ACLY: variants seen among roughly 807,000 people sequenced by gnomAD.
ACLY encodes ATP citrate lyase, also known as ATP-citrate synthase.
A neutral mutation model predicts 133.0 loss-of-function variants in ACLY; 41 were observed. That is an observed-to-expected ratio of 0.31 (90% CI 0.24 to 0.40). ACLY has a LOEUF of 0.40. ACLY is among the 10% of genes least tolerant of loss of function. The probability of loss-of-function intolerance (pLI) is 1.00; values close to 1 mark genes in which losing one functional copy is unlikely to be tolerated. For synonymous variants in ACLY, 495 were observed against 549.3 expected (o/e 0.90, Z 1.38); for missense variants, 1,046 against 1,453.8 (o/e 0.72, Z 4.56).
At chr17:41,886,399 T>A in intron 17 of ACLY, 91 bp from the exon 18 acceptor site, 3 of 1,309,620 alleles carry the variant, frequency 2.3e-6, no homozygotes, top group Non-Finnish European at 3.1e-6. Flanking sequence ...GCCCAGCCCC[T>A]TCTGGCCAGG....
Position 41,872,174 on chromosome 17 carries a change from T to G in ACLY, c.2651A>C (p.Lys884Thr). 6.2e-7 allele frequency: 1 copy of G among 1,613,342 alleles called. No homozygotes were observed. The highest frequency in any genetic ancestry group is 8.5e-7 in the Non-Finnish European group (1 of 1,179,934). Residue 884 changes from lysine to threonine, a missense_variant, in exon 24 of 29, where the codon AAG (lysine) becomes ACG (threonine). Transcript: ENST00000352035. ...GLLWFQKRLP[K>T]YSCQFIEMCL... is the part of the protein sequence containing the mutation. ...CATCTCAATGAACTGGCAAGAGTAC[T>G]TAGGCAACCTGGAGTGGGGGGAACA...
At chr17:41,882,415 C>CTGTTAATGA (rs1294141338) in intron 20 of ACLY, among the ~76,000 whole-genome samples, 3 of 125,726 alleles carry the variant, frequency 2.4e-5, no homozygotes, top group African/African-American at 8.9e-5. Flanking sequence ...CCAGTTTTTG[C>CTGTTAATGA]TGTTAATGAT....
intron 20 of ACLY, among the ~76,000 whole-genome samples, chr17:41,880,301 C>T (rs1186812963): frequency 1.3e-5 from 2 of 152,194 alleles, no homozygotes; most frequent in African/African-American, 2.4e-5. Flanking sequence ...CCTAGGCAAT[C>T]TGGCCTCAGC....
intron 1 of ACLY, among the ~76,000 whole-genome samples, chr17:41,914,647 G>A (rs1243662549): frequency 2.0e-5 from 3 of 152,144 alleles, no homozygotes; most frequent in East Asian, 1.9e-4. Context: ...GCCCCACTGC[G>A]TCATCCAGCT....
At chr17:41,915,163 A>G (rs1245880719) in intron 1 of ACLY, among the ~76,000 whole-genome samples, 1 of 152,124 alleles carries the variant, frequency 6.6e-6, no homozygotes. Flanking sequence ...GAATTTCATC[A>G]TCTCCCCTCT....
chr17:41,909,591 A>C lies in ACLY; in HGVS notation c.455T>G (p.Leu152Arg). 1 of 1,614,146 alleles carries C rather than the reference A, an allele frequency of 6.2e-7. No homozygotes were observed. The highest frequency in any genetic ancestry group is 1.7e-5 in the Admixed American group (1 of 60,028). Residue 152 changes from leucine to arginine, a missense_variant, in exon 5 of 29, where the codon CTG becomes CGG. Leu to Arg is a moderately radical substitution (Grantham distance 102). Around this residue, in one of 4 missense-constraint regions of ACLY, gnomAD observed 227 missense variants for 245.6 expected, o/e 0.92. Coordinates refer to ENST00000352035, the MANE Select transcript of ACLY (RefSeq NM_001096.3). ...VGDVDAKAQKLLVGVDEKLNP... is the reference protein window; with the variant it reads ...VGDVDAKAQKRLVGVDEKLNP... ...CAGTTTCTCATCCACGCCAACAAGC[A>C]GCTTCTGGGCCTTGGCGTCCACATC... is the stretch of plus-strand genomic sequence containing the variant.
chr17:41,883,622 T>C (rs1261397751), intron 19 of ACLY, among the ~76,000 whole-genome samples: 1 of 144,298 alleles, frequency 6.9e-6, no homozygotes, highest in Admixed American at 7.4e-5. Context: ...TCTTGATCTG[T>C]CTCCCAGGCT....
At chr17:41,901,560 G>A (rs1344466499) in intron 11 of ACLY, 136 bp downstream of exon 11, 4 of 735,108 alleles carry the variant, frequency 5.4e-6, no homozygotes, top group African/African-American at 1.8e-5. Flanking sequence ...GACAGGGAAT[G>A]GAAACCCAAA....
At chr17:41,916,654 G>C (rs1409782849) in intron 1 of ACLY, among the ~76,000 whole-genome samples, 1 of 151,290 alleles carries the variant, frequency 6.6e-6, no homozygotes, top group Non-Finnish European at 1.5e-5. Context: ...GGATTTACAG[G>C]CATGAGCCAC....
At chr17:41,907,855 C>A (rs141186482) in intron 6 of ACLY, among the ~76,000 whole-genome samples, 1 of 152,194 alleles carries the variant, frequency 6.6e-6, no homozygotes, top group Non-Finnish European at 1.5e-5. Context: ...TTACAAAACG[C>A]TACACTCCCT....
In ACLY at chr17:41,886,139, T is replaced by G; in HGVS notation, c.2045A>C (p.Tyr682Ser). 1 of 1,614,062 alleles carries G rather than the reference T, an allele frequency of 6.2e-7. No individual in the cohort carries two copies. The highest frequency in any genetic ancestry group is 1.7e-4 in the Middle Eastern group (1 of 6,038). Residue 682 changes from tyrosine to serine, a missense_variant, in exon 18 of 29, where the codon TAT becomes TCT. By Grantham distance (144) the Tyr-to-Ser change is moderately radical. Transcript: ENST00000352035. ...NIISRTTDGV[Y>S]EGVAIGGDRY... Reference sequence around the variant, plus strand: ...GTCCCCACCAATGGCCACGCCCTCATAGACGCCATCCGTGGTCCGAGAGAT... The same window carrying G: ...GTCCCCACCAATGGCCACGCCCTCAGAGACGCCATCCGTGGTCCGAGAGAT...
chr17:41,907,125 C>T (rs1249848183), intron 7 of ACLY, among the ~76,000 whole-genome samples: 2 of 152,118 alleles, frequency 1.3e-5, no homozygotes, highest in African/African-American at 4.8e-5. Flanking sequence ...TTAAAATTCT[C>T]AGTGAGACGC....
intron 23 of ACLY, among the ~76,000 whole-genome samples, chr17:41,872,551 C>T (rs2048623493): frequency 6.6e-6 from 1 of 152,218 alleles, no homozygotes; most frequent in Non-Finnish European, 1.5e-5. Context: ...TCTCGAACTC[C>T]TGGCCTCAAG....
At chr17:41,880,025 C>T (rs1555627051) in intron 20 of ACLY, among the ~76,000 whole-genome samples, 1 of 152,164 alleles carries the variant, frequency 6.6e-6, no homozygotes, top group East Asian at 1.9e-4. Flanking sequence ...CCAGCGCGCC[C>T]AGCGTGACTG....
At chr17:41,913,682 G>A in intron 2 of ACLY, 33 bp downstream of exon 2, 1 of 1,607,468 alleles carries the variant, frequency 6.2e-7, no homozygotes, top group Non-Finnish European at 8.5e-7. Flanking sequence ...CCCCGGGCCT[G>A]GAAGAAAGGC....
chr17:41,905,663 C>A lies in ACLY; in HGVS notation c.867-5G>T, dbSNP rs782321047. On this transcript the variant is annotated splice_region_variant and splice_polypyrimidine_tract_variant and intron_variant, in intron 8 of 28. Transcript: ENST00000352035. ...CCTAGATCACAGATGGTATCGCTGCCAAGGAGACAGAAGTCAGTGATGGCT... is the reference window on the plus strand; with the variant it reads ...CCTAGATCACAGATGGTATCGCTGCAAAGGAGACAGAAGTCAGTGATGGCT... 3 of 1,614,142 alleles carry A rather than the reference C, an allele frequency of 1.9e-6. No homozygotes were observed. Among genetic ancestry groups the A allele is most frequent in the South Asian group, 1.1e-5 (1 of 91,080 alleles).
At chr17:41,926,358 C>T (rs899242785) in intron 1 of ACLY, among the ~76,000 whole-genome samples, 17 of 152,350 alleles carry the variant, frequency 1.1e-4, no homozygotes, top group Non-Finnish European at 2.4e-4. Context: ...TTCTCTCAGC[C>T]TCAGAGTTTC....
Position 41,916,834 on chromosome 17 carries a change from C to G in ACLY, c.-24+2046G>C, listed in dbSNP as rs569502281. ...CCTGTGACAATGATCCGATGGCCCACAGACTGACCACCAGTTAAGAACATT... is the reference window on the plus strand; with the variant it reads ...CCTGTGACAATGATCCGATGGCCCAGAGACTGACCACCAGTTAAGAACATT... On this transcript the variant is annotated intron_variant, in intron 1 of 28. Transcript: ENST00000352035. Among the ~76,000 whole-genome samples, 5 of 152,238 alleles carry G rather than the reference C, an allele frequency of 3.3e-5. No individual in the cohort carries two copies. The South Asian group carries it at 8.3e-4, about 25-fold the overall frequency.
chr17:41,898,269 T>C (rs1555630826), intron 12 of ACLY, among the ~76,000 whole-genome samples: 1 of 152,064 alleles, frequency 6.6e-6, no homozygotes, highest in African/African-American at 2.4e-5. Flanking sequence ...TGCACCACCA[T>C]GTCTGGCTAA....
Sources: allele counts gnomAD v4.1 joint callset (sites outside exome capture counted in the v4.1 genomes callset), GRCh38; gene constraint gnomAD v4.1.1; regional missense constraint gnomAD v4.1.1; transcripts MANE v1.5; gene names NCBI Gene and HGNC (gene_info 2026-07-23, HGNC 2026-07-21).